Variants in STARD13 observed in about 807,000 individuals in gnomAD.
The protein encoded by STARD13 is StAR related lipid transfer domain containing 13, also known as stAR-related lipid transfer protein 13.
A neutral mutation model predicts 106.4 loss-of-function variants in STARD13; 62 were observed. That is an observed-to-expected ratio of 0.58 (90% confidence interval 0.48 to 0.72). STARD13 has a LOEUF of 0.72. Among genes scored for constraint, STARD13 ranks in the 30% least tolerant of loss-of-function variants. The probability of loss-of-function intolerance (pLI) is 0.00; values close to 1 mark genes in which losing one functional copy is unlikely to be tolerated. For synonymous variants in STARD13, 565 were observed against 553.0 expected (o/e 1.02, Z -0.31); for missense variants, 1,387 against 1,424.0 (o/e 0.97, Z 0.42).
At chr13:33,263,011 A>G (rs1890726014) in intron 1 of STARD13, among the ~76,000 whole-genome samples, 1 of 152,192 alleles carries the variant, frequency 6.6e-6, no homozygotes, top group Non-Finnish European at 1.5e-5. Context: ...TCAAGATGAG[A>G]GTCTACATTC....
At chr13:33,446,565 A>G in the STARD13 span, among the ~76,000 whole-genome samples, 1 of 152,204 alleles carries the variant, frequency 6.6e-6, no homozygotes, top group African/African-American at 2.4e-5. Context: ...AATCTCAATA[A>G]ACTTTATACA....
the STARD13 span, among the ~76,000 whole-genome samples, chr13:33,483,163 G>C: frequency 2.6e-5 from 4 of 152,184 alleles, no homozygotes; most frequent in Non-Finnish European, 5.9e-5. Flanking sequence ...AACCTACCTA[G>C]AGAACTTTAA....
At chr13:33,328,602 A>G (rs1427016174) in intron 1 of STARD13, among the ~76,000 whole-genome samples, 1 of 152,226 alleles carries the variant, frequency 6.6e-6, no homozygotes, top group Non-Finnish European at 1.5e-5. Flanking sequence ...GGATGGGGTC[A>G]TGGGATACAT....
At chr13:33,468,749 T>G in the STARD13 span, among the ~76,000 whole-genome samples, 1 of 152,204 alleles carries the variant, frequency 6.6e-6, no homozygotes, top group Non-Finnish European at 1.5e-5. Context: ...CCCAGTTCCA[T>G]GTATTCTTTT....
At chr13:33,267,769 T>G (rs2138346997) in intron 1 of STARD13, among the ~76,000 whole-genome samples, 1 of 152,356 alleles carries the variant, frequency 6.6e-6, no homozygotes, top group African/African-American at 2.4e-5. Flanking sequence ...CTTAAAAGGC[T>G]GTCTTTGACA....
the STARD13 span, among the ~76,000 whole-genome samples, chr13:33,624,051 G>A: frequency 6.6e-6 from 1 of 152,210 alleles, no homozygotes; most frequent in South Asian, 2.1e-4. Flanking sequence ...GGCAAAGTTT[G>A]GCAGTGTTTT....
the STARD13 span, among the ~76,000 whole-genome samples, chr13:33,364,318 A>G: frequency 6.6e-6 from 1 of 152,312 alleles, no homozygotes; most frequent in African/African-American, 2.4e-5. Context: ...ATAAAATTTA[A>G]AAACATAATA....
chr13:33,551,556 C>G, the STARD13 span, among the ~76,000 whole-genome samples: 1 of 108,236 alleles, frequency 9.2e-6, no homozygotes, highest in African/African-American at 3.4e-5. Context: ...AAGAGACAAG[C>G]TTTTGCTTTT....
At chr13:33,573,972 T>A in the STARD13 span, among the ~76,000 whole-genome samples, 5 of 152,124 alleles carry the variant, frequency 3.3e-5, no homozygotes, top group African/African-American at 1.2e-4. Context: ...TCAGAGTTAC[T>A]AGCTAAAGAT....
chr13:33,210,211 C>A (rs1436930862), intron 1 of STARD13, among the ~76,000 whole-genome samples: 1 of 152,182 alleles, frequency 6.6e-6, no homozygotes, highest in Non-Finnish European at 1.5e-5. Context: ...ACTGAGGAAG[C>A]AGAACTTACT....
At chr13:33,249,458 T>A (rs1441014540) in intron 1 of STARD13, among the ~76,000 whole-genome samples, 2 of 152,252 alleles carry the variant, frequency 1.3e-5, no homozygotes, top group African/African-American at 4.8e-5. Flanking sequence ...AATTCGTCTT[T>A]GACTCCACCT....
the STARD13 span, among the ~76,000 whole-genome samples, chr13:33,600,764 T>C: frequency 6.6e-6 from 1 of 152,244 alleles, no homozygotes; most frequent in South Asian, 2.1e-4. Flanking sequence ...TTATTTCTCC[T>C]GTCTCTGCCA....
chr13:33,256,925 G>A lies in STARD13; in HGVS notation c.169+28545C>T, dbSNP rs545226528. Among the ~76,000 whole-genome samples the A allele has an allele frequency of 2.0e-5, 3 of 152,264 alleles. No individual in the cohort carries two copies. In the East Asian group the frequency reaches 5.8e-4, roughly 29 times the overall value. On this transcript the variant is annotated intron_variant, in intron 1 of 13. Coordinates refer to ENST00000336934, the MANE Select transcript of STARD13 (RefSeq NM_178006.4). The stretch of plus-strand genomic sequence containing the variant: ...AAATAAAGAATAATTTAATCTTTAT[G>A]CCAGATCTCGAAGGTAGTCCTTACA...
intron 5 of STARD13, among the ~76,000 whole-genome samples, chr13:33,128,643 G>A (rs1237543825): frequency 6.6e-6 from 1 of 152,118 alleles, no homozygotes; most frequent in Non-Finnish European, 1.5e-5. Context: ...CCCTGCCTAT[G>A]GTGCCCAGTA....
At chr13:33,584,478 T>A in the STARD13 span, among the ~76,000 whole-genome samples, 1 of 151,910 alleles carries the variant, frequency 6.6e-6, no homozygotes, top group Non-Finnish European at 1.5e-5. Flanking sequence ...AAACCATTCA[T>A]GAGAAATCCA....
chr13:33,365,221 A>T, the STARD13 span, among the ~76,000 whole-genome samples: 1 of 152,104 alleles, frequency 6.6e-6, no homozygotes, highest in Non-Finnish European at 1.5e-5. Context: ...TCTGTGGGGA[A>T]GGGTGGGAAG....
the STARD13 span, among the ~76,000 whole-genome samples, chr13:33,455,614 A>G: frequency 6.6e-6 from 1 of 151,976 alleles, no homozygotes; most frequent in African/African-American, 2.4e-5. Context: ...GCTGGGAATG[A>G]TTTTTACATT....
chr13:33,524,260 G>C, the STARD13 span: 4 of 1,276,572 alleles, frequency 3.1e-6, no homozygotes, highest in Non-Finnish European at 4.1e-6. Flanking sequence ...TTGAGTTCCA[G>C]TTGACATTTG....
In STARD13 at chr13:33,312,402, T is replaced by C. The variant is rs1893172177; in HGVS notation, c.124+37888A>G. On this transcript the variant is annotated intron_variant, in intron 1 of 5. Coordinates refer to the STARD13 transcript ENST00000567873. ...CAGGGGTGTTTTGTGCCTATATTCC[T>C]ATCTAGAGAAACTAACCCATGCCTT... is the stretch of plus-strand genomic sequence containing the variant. Among the ~76,000 whole-genome samples, 3 of 152,216 alleles carry C rather than the reference T, an allele frequency of 2.0e-5. No homozygotes were observed. The South Asian group carries it at 6.2e-4, about 32-fold the overall frequency.
Sources: allele counts gnomAD v4.1 joint callset (sites outside exome capture counted in the v4.1 genomes callset), GRCh38; gene constraint gnomAD v4.1.1; transcripts MANE v1.5; gene names NCBI Gene and HGNC (gene_info 2026-07-23, HGNC 2026-07-21).